The following CUX1 variants were observed in gnomAD, a reference collection of about 807,000 sequenced individuals.
CUX1 encodes the protein cut like homeobox 1.
In CUX1, 31 loss-of-function variants were observed where a neutral mutation model predicts 158.8. The ratio of observed to expected loss-of-function variants is 0.20; its 90% CI spans 0.15 to 0.26. CUX1 has a LOEUF of 0.26. Among genes scored for constraint, CUX1 ranks in the 10% least tolerant of loss-of-function variants. CUX1 has a pLI of 1.00. For synonymous variants in CUX1, 879 were observed against 862.1 expected, an observed-to-expected ratio of 1.02 and a Z score of -0.34; for missense variants, 1,589 against 2,014.6, an observed-to-expected ratio of 0.79 and a Z score of 4.04.
At chr7:101,836,190 C>T (rs544524785) in intron 1 of CUX1, among the ~76,000 whole-genome samples, 51 of 152,260 alleles carry the variant, frequency 3.3e-4, no homozygotes, top group African/African-American at 1.1e-3. Context: ...GTGTAAGTCC[C>T]GTTTGTTCTC....
Position 102,249,953 on chromosome 7 carries a change from T to G in CUX1, c.*911T>G. On this transcript the variant is annotated 3_prime_UTR_variant, in exon 24 of 24. Coordinates refer to ENST00000292535, the MANE Select transcript of CUX1 (RefSeq NM_181552.4). ...CTTGTACGTGAATAGAATCCTGACA[T>G]GTAGTGCACATTGATGTATAGCTTT... The G allele has an allele frequency of 1.0e-6, 1 of 985,566 alleles. No homozygotes were observed. Among genetic ancestry groups the G allele is most frequent in the Non-Finnish European group, 1.2e-6 (1 of 829,898 alleles). 61.1% of individuals were successfully genotyped at this position (985,566 alleles called of 1,614,324 possible). A position where few individuals can be genotyped will look rare whatever the true frequency, so the allele number is the denominator to read the frequency against.
chr7:101,831,202 T>G (rs376358626), intron 1 of CUX1, among the ~76,000 whole-genome samples: 7 of 152,126 alleles, frequency 4.6e-5, no homozygotes, highest in African/African-American at 1.4e-4. Flanking sequence ...TGTTGAGCAT[T>G]TATTGAGTGT....
chr7:101,816,934 T>C, upstream of CUX1: 1 of 981,292 alleles, frequency 1.0e-6, no homozygotes, highest in Non-Finnish European at 1.2e-6. Flanking sequence ...CCGGGTTTGT[T>C]TACGTCCCGG....
chr7:101,977,638 G>A (rs1007373291), intron 2 of CUX1, among the ~76,000 whole-genome samples: 3 of 151,978 alleles, frequency 2.0e-5, no homozygotes, highest in Admixed American at 2.0e-4. Context: ...GTGAAACCGT[G>A]GCTCAAAATA....
chr7:101,833,907 G>A (rs532177920), intron 1 of CUX1, among the ~76,000 whole-genome samples: 5 of 152,282 alleles, frequency 3.3e-5, no homozygotes, highest in African/African-American at 1.2e-4. Flanking sequence ...CTAACGGGGG[G>A]TGCAGAGTCT....
chr7:102,275,350 G>A (rs1554547508), exon 17 of CUX1: 2 of 1,612,434 alleles, frequency 1.2e-6, no homozygotes, highest in South Asian at 1.1e-5. Context: ...GGAACCAGGA[G>A]CTTGAGGCCG....
chr7:102,219,171 A>G (rs180918615), intron 20 of CUX1, among the ~76,000 whole-genome samples: 61 of 151,510 alleles, frequency 4.0e-4, no homozygotes, highest in African/African-American at 1.4e-3. Context: ...ATCTTATCCT[A>G]TTCTTTCTTT....
intron 1 of CUX1, among the ~76,000 whole-genome samples, chr7:101,901,818 TCTC>T: frequency 6.6e-6 from 1 of 152,156 alleles, no homozygotes; most frequent in Non-Finnish European, 1.5e-5. Context: ...CTGCCAGTGT[TCTC>T]CTCGCGAAGG....
intron 21 of CUX1, among the ~76,000 whole-genome samples, chr7:102,230,361 T>C (rs1798832988): frequency 6.6e-6 from 1 of 151,778 alleles, no homozygotes; most frequent in Non-Finnish European, 1.5e-5. Flanking sequence ...TGGCACCCGC[T>C]GTAATCCCTG....
At position 102,204,423 on chromosome 7, in the gene CUX1, C is replaced by T. The variant is rs781998068; in HGVS notation, c.2940C>T (p.Asp980=). Residue 980 remains aspartate (D), a synonymous_variant, in exon 19 of 24, where the codon GAC becomes GAT. Transcript: ENST00000292535. ...GCCTGTCCCAGGGCAGCGTCAGCGA[C>T]ATGCTGTCCCGACCGAAGCCATGGA... The part of the protein sequence containing the change: ...VLGLSQGSVS[D]MLSRPKPWSK... The T allele has an allele frequency of 2.5e-6, 4 of 1,613,654 alleles. No individual in the cohort carries two copies. Among genetic ancestry groups the T allele is most frequent in the Non-Finnish European group, 2.5e-6 (3 of 1,180,022 alleles).
Position 102,201,944 on chromosome 7 carries a change from C to T in CUX1, c.2647C>T (p.Pro883Ser). ...GTCGTCAGAGTACTGGAAGGAGTGG[C>T]CCAGCGCTGAGTCCCCATACTCCCA... ...PSSSEYWKEW[P>S]SAESPYSQSS... The change falls in exon 18 of 24, where the codon CCC (proline) becomes TCC (serine). Residue 883 changes from proline (P) to serine (S), a missense_variant. By Grantham distance (74) the Pro-to-Ser change is moderately conservative. Coordinates refer to ENST00000292535, the MANE Select transcript of CUX1 (RefSeq NM_181552.4). This position sits in a 1 kb window ranked among gnomAD's most constrained non-coding sequence, Gnocchi z 5.0. 1.9e-6 allele frequency: 3 copies of T among 1,614,052 alleles called. No homozygotes were observed. The highest frequency in any genetic ancestry group is 2.5e-6 in the Non-Finnish European group (3 of 1,180,032).
intron 1 of CUX1, among the ~76,000 whole-genome samples, chr7:101,901,775 A>G (rs1584929045): frequency 6.6e-6 from 1 of 152,220 alleles, no homozygotes; most frequent in East Asian, 1.9e-4. Flanking sequence ...AAACCCCAAC[A>G]GGGAGTGAGC....
chr7:101,928,017 T>A (rs983951005), intron 2 of CUX1, among the ~76,000 whole-genome samples: 1 of 152,238 alleles, frequency 6.6e-6, no homozygotes, highest in Non-Finnish European at 1.5e-5. Context: ...CTGAGAGCCA[T>A]GTGTCGCTTC....
intron 8 of CUX1, among the ~76,000 whole-genome samples, chr7:102,121,200 G>A (rs1446262487): frequency 6.6e-6 from 1 of 152,136 alleles, no homozygotes; most frequent in African/African-American, 2.4e-5. Flanking sequence ...TAGGGTCTCT[G>A]TTAGTTATTC....
intron 8 of CUX1, among the ~76,000 whole-genome samples, chr7:102,139,365 G>C (rs1254057971): frequency 4.0e-5 from 6 of 151,668 alleles, no homozygotes; most frequent in Non-Finnish European, 7.4e-5. Flanking sequence ...CCAATTTCCT[G>C]TCCAGAATTA....
intron 2 of CUX1, among the ~76,000 whole-genome samples, chr7:101,951,200 G>A (rs763023290): frequency 5.3e-5 from 8 of 151,952 alleles, no homozygotes; most frequent in Non-Finnish European, 1.0e-4. Flanking sequence ...GTGTGGTGGC[G>A]CACGCCTGTG....
At chr7:101,969,359 C>CAAAAAAAAAAAAAAAAA (rs10711703) in intron 2 of CUX1, among the ~76,000 whole-genome samples, 32 of 56,084 alleles carry the variant, frequency 5.7e-4, no homozygotes, top group Non-Finnish European at 7.0e-4. Flanking sequence ...CAAAAAACAG[C>CAAAAAAAAAAAAAAAAA]AAAAAAAAAA....
chr7:102,131,709 C>G (rs1833259735), intron 8 of CUX1, among the ~76,000 whole-genome samples: 1 of 146,990 alleles, frequency 6.8e-6, no homozygotes, highest in Non-Finnish European at 1.5e-5. Flanking sequence ...GTCTTGCTGT[C>G]TCACCCAGGC....
At chr7:101,923,020 G>A (rs771626927) in intron 2 of CUX1, among the ~76,000 whole-genome samples, 1 of 152,216 alleles carries the variant, frequency 6.6e-6, no homozygotes, top group Non-Finnish European at 1.5e-5. Flanking sequence ...CTTTGATCGC[G>A]GTCAAACTCC....
Sources: gnomAD v4.1 joint callset for allele counts (sites outside exome capture counted in the v4.1 genomes callset) on GRCh38, gnomAD v4.1.1 for gene constraint, Gnocchi (gnomAD v3.1) non-coding constraint, MANE v1.5 for transcripts, NCBI Gene and HGNC (gene_info 2026-07-23, HGNC 2026-07-21) for gene names.